PACRG: variants seen among roughly 807,000 people sequenced by gnomAD.
PACRG encodes the protein parkin coregulated.
A neutral mutation model predicts 29.7 loss-of-function variants in PACRG; 29 were observed. The observed-to-expected ratio is 0.98, with a 90% CI of 0.73 to 1.33. The LOEUF is 1.33. Ranked by LOEUF, PACRG falls within the 40% of genes most tolerant of loss-of-function variation. The pLI is 0.00. For synonymous variants in PACRG, 116 were observed against 118.7 expected (o/e 0.98, Z 0.15); for missense variants, 279 against 316.2 (o/e 0.88, Z 0.89).
intron 2 of PACRG, among the ~76,000 whole-genome samples, chr6:163,053,338 A>T (rs1451826301): frequency 7.9e-5 from 12 of 152,156 alleles, no homozygotes; most frequent in African/African-American, 1.2e-4. Context: ...TCTTCTTCAA[A>T]TTTTGGCTTT....
intron 2 of PACRG, among the ~76,000 whole-genome samples, chr6:162,932,858 CTT>C (rs983416859): frequency 5.9e-5 from 9 of 151,408 alleles, no homozygotes; most frequent in Non-Finnish European, 1.2e-4. Context: ...ATATTTTTGT[CTT>C]TGTTTATTTC....
At chr6:163,144,548 C>A (rs1777717837) in intron 4 of PACRG, among the ~76,000 whole-genome samples, 1 of 152,018 alleles carries the variant, frequency 6.6e-6, no homozygotes, top group African/African-American at 2.4e-5. Flanking sequence ...GTGAGTGGAT[C>A]ACCTGAGGTC....
intron 2 of PACRG, among the ~76,000 whole-genome samples, chr6:163,026,417 T>A: frequency 6.6e-6 from 1 of 152,358 alleles, no homozygotes; most frequent in East Asian, 1.9e-4. Context: ...TTAAATTGCT[T>A]TGGTAGAATA....
At chr6:162,943,601 C>T (rs1798786914) in intron 2 of PACRG, among the ~76,000 whole-genome samples, 2 of 152,144 alleles carry the variant, frequency 1.3e-5, no homozygotes, top group South Asian at 4.1e-4. Context: ...CTGCCTACCA[C>T]AGCCAGTGCC....
At chr6:163,202,527 C>A (rs1165519191) in intron 4 of PACRG, among the ~76,000 whole-genome samples, 3 of 151,962 alleles carry the variant, frequency 2.0e-5, no homozygotes, top group African/African-American at 7.3e-5. Flanking sequence ...CACATTCTGC[C>A]AGCAGTAATA....
chr6:163,284,698 A>G (rs958530232), intron 4 of PACRG, among the ~76,000 whole-genome samples: 1 of 151,522 alleles, frequency 6.6e-6, no homozygotes, highest in Admixed American at 6.6e-5. Context: ...GCCGCCCCCA[A>G]CCCCCGCTCC....
In PACRG at chr6:162,946,369, C is replaced by T. The variant is rs575089432; in HGVS notation, c.292-115781C>T. ...TCAGAAACTATTATGAACAATTATA[C>T]ACTTACAAACTGGAAAACCTAGAGG... On this transcript the variant is annotated intron_variant, in intron 2 of 4. Coordinates refer to ENST00000366888, the MANE Select transcript of PACRG (RefSeq NM_001080379.2). 2.5e-4 allele frequency among the ~76,000 whole-genome samples: 38 copies of T among 152,070 alleles called. No homozygotes were observed. In the South Asian group the frequency reaches 7.7e-3, roughly 31 times the overall value.
At chr6:163,273,543 G>T (rs1166703059) in intron 4 of PACRG, among the ~76,000 whole-genome samples, 1 of 151,980 alleles carries the variant, frequency 6.6e-6, no homozygotes, top group Non-Finnish European at 1.5e-5. Context: ...CTCTTCAAGG[G>T]TCAGTTTTGA....
chr6:163,272,484 A>C (rs539117056), intron 4 of PACRG, among the ~76,000 whole-genome samples: 1 of 152,038 alleles, frequency 6.6e-6, no homozygotes, highest in Non-Finnish European at 1.5e-5. Context: ...TTTTACCTCA[A>C]ATTTATTTTT....
chr6:163,300,746 C>T (rs1202411960), intron 4 of PACRG, among the ~76,000 whole-genome samples: 1 of 151,774 alleles, frequency 6.6e-6, no homozygotes, highest in Non-Finnish European at 1.5e-5. Context: ...AAAGAATGAC[C>T]TTTTTGTGGC....
At chr6:162,982,984 C>A (rs1802559037) in intron 2 of PACRG, among the ~76,000 whole-genome samples, 1 of 151,784 alleles carries the variant, frequency 6.6e-6, no homozygotes, top group South Asian at 2.1e-4. Context: ...TTTGGGAGTT[C>A]CAGTGTTAGG....
At chr6:162,912,429 A>G (rs1490643129) in intron 2 of PACRG, among the ~76,000 whole-genome samples, 2 of 152,194 alleles carry the variant, frequency 1.3e-5, no homozygotes, top group Non-Finnish European at 2.9e-5. Flanking sequence ...GAAGCAGTGC[A>G]CAAGTATTGC....
At chr6:163,190,806 G>A (rs951414397) in intron 4 of PACRG, 2 of 365,132 alleles carry the variant, frequency 5.5e-6, no homozygotes, top group African/African-American at 4.3e-5. Flanking sequence ...CAAAGATAAA[G>A]TCAGAAACAA....
At chr6:163,105,568 C>A (rs550798111) in intron 4 of PACRG, among the ~76,000 whole-genome samples, 1 of 152,106 alleles carries the variant, frequency 6.6e-6, no homozygotes, top group South Asian at 2.1e-4. Context: ...AAGTGGCTAT[C>A]GATATAGTTA....
chr6:162,875,395 AT>A (rs964171783), intron 2 of PACRG, among the ~76,000 whole-genome samples: 3 of 151,998 alleles, frequency 2.0e-5, no homozygotes, highest in African/African-American at 7.3e-5. Flanking sequence ...ACACACAGAA[AT>A]TCACACACAG....
intron 2 of PACRG, among the ~76,000 whole-genome samples, chr6:162,982,383 G>A (rs1186274663): frequency 6.6e-6 from 1 of 151,812 alleles, no homozygotes; most frequent in Non-Finnish European, 1.5e-5. Context: ...GTTCCTTGAG[G>A]TGTGATGTTA....
chr6:163,303,185 C>G (rs1023671286), intron 4 of PACRG, among the ~76,000 whole-genome samples: 2 of 151,994 alleles, frequency 1.3e-5, no homozygotes, highest in African/African-American at 4.8e-5. Context: ...AAAAAATTAA[C>G]CAGGCGTGGT....
At chr6:162,727,652 A>G, upstream of PACRG, 1 of 1,585,130 alleles carries the variant, frequency 6.3e-7, no homozygotes, top group East Asian at 2.3e-5. Flanking sequence ...CCTGGCAGGT[A>G]CCCACGTACC....
chr6:163,144,233 C>CAAAAA (rs754157729), intron 4 of PACRG, among the ~76,000 whole-genome samples: 32,542 of 99,954 alleles, frequency 0.33, 4,709 homozygotes, highest in East Asian at 0.51. Context: ...CGTCTCAAAA[C>CAAAAA]AAAAAAAAAA....
Sources: gnomAD v4.1 joint callset for allele counts (sites outside exome capture counted in the v4.1 genomes callset) on GRCh38, gnomAD v4.1.1 for gene constraint, MANE v1.5 for transcripts, NCBI Gene and HGNC (gene_info 2026-07-23, HGNC 2026-07-21) for gene names.